MEGF11: variants seen among roughly 807,000 people sequenced by gnomAD.
The protein encoded by MEGF11 is multiple EGF like domains 11.
In MEGF11, 126 loss-of-function variants were observed where a neutral mutation model predicts 146.6. That is an observed-to-expected ratio of 0.86 (90% CI 0.74 to 1.00). MEGF11 has a LOEUF of 1.00. MEGF11 is among the 50% of genes least tolerant of loss of function. MEGF11 has a pLI of 0.00. For missense variants in MEGF11, 1,509 were observed against 1,521.2 expected, an observed-to-expected ratio of 0.99 and a Z score of 0.13; for synonymous variants, 532 against 583.4, an observed-to-expected ratio of 0.91 and a Z score of 1.27.
intron 5 of MEGF11, among the ~76,000 whole-genome samples, chr15:66,008,791 T>C (rs2082608935): frequency 6.8e-6 from 1 of 147,704 alleles, no homozygotes; most frequent in African/African-American, 2.5e-5. Flanking sequence ...GCCCCTGCGC[T>C]CCAGCTTGGA....
intron 4 of MEGF11, among the ~76,000 whole-genome samples, chr15:66,111,133 TC>T (rs1385720572): frequency 1.3e-5 from 2 of 152,212 alleles, no homozygotes; most frequent in African/African-American, 4.8e-5. Flanking sequence ...CAGTTTTCTG[TC>T]CTGTAAAAGG....
At chr15:66,211,367 CA>C (rs377339953) in intron 1 of MEGF11, among the ~76,000 whole-genome samples, 3,966 of 151,860 alleles carry the variant, frequency 0.026, 54 homozygotes, top group Non-Finnish European at 0.039. Flanking sequence ...ACTAAAAATA[CA>C]AAAAAATTAG....
At chr15:66,210,536 C>T (rs1389534871) in intron 1 of MEGF11, among the ~76,000 whole-genome samples, 1 of 152,180 alleles carries the variant, frequency 6.6e-6, no homozygotes, top group Non-Finnish European at 1.5e-5. Context: ...TCCCAACCAC[C>T]CCAGGCCAAG....
Position 65,947,307 on chromosome 15 carries a change from G to A in MEGF11, c.1287+10240C>T, listed in dbSNP as rs140543593. Reference sequence around the variant, plus strand: ...GGGGAGCTGGGGCACTGAAGCTTGAGCGCAGGGCTAGCAGGAGCTTTCTTT... The same window carrying A: ...GGGGAGCTGGGGCACTGAAGCTTGAACGCAGGGCTAGCAGGAGCTTTCTTT... On this transcript the variant is annotated intron_variant, in intron 10 of 25. Coordinates refer to ENST00000395614, the MANE Select transcript of MEGF11 (RefSeq NM_001385028.1). Among the ~76,000 whole-genome samples, 149 of 152,300 alleles carry A rather than the reference G, an allele frequency of 9.8e-4. 1 individual carries two copies. The East Asian group carries it at 0.024, about 25-fold the overall frequency.
intron 1 of MEGF11, among the ~76,000 whole-genome samples, chr15:66,246,819 A>C (rs2092302584): frequency 6.6e-6 from 1 of 151,894 alleles, no homozygotes; most frequent in South Asian, 2.1e-4. Flanking sequence ...CTCAAAACTA[A>C]TAATAATAAT....
intron 1 of MEGF11, among the ~76,000 whole-genome samples, chr15:66,206,004 G>A (rs569310649): frequency 1.1e-3 from 169 of 152,292 alleles, no homozygotes; most frequent in African/African-American, 4.0e-3. Context: ...ATCTGACAAA[G>A]ATTTCAAAGC....
In MEGF11 at chr15:66,123,921, A is replaced by T. The variant is rs780966405; in HGVS notation, c.178T>A (p.Trp60Arg). ...YYTRCTDILN[W>R]FKCTRHRISY... is the part of the protein sequence containing the mutation. ...CACCGGTGCCTGGTGCACTTGAACC[A>T]GTTGAGGATGTCTGTGCATCGTGTG... The change falls in exon 3 of 26, where the codon TGG (tryptophan) becomes AGG (arginine). Residue 60 changes from tryptophan (W) to arginine (R), a missense_variant. Coordinates refer to ENST00000395614, the MANE Select transcript of MEGF11 (RefSeq NM_001385028.1). The T allele has an allele frequency of 6.2e-7, 1 of 1,613,818 alleles. No individual in the cohort carries two copies. Among genetic ancestry groups the T allele is most frequent in the Non-Finnish European group, 8.5e-7 (1 of 1,179,828 alleles).
intron 10 of MEGF11, among the ~76,000 whole-genome samples, chr15:65,955,247 C>T (rs1264875339): frequency 2.0e-5 from 3 of 152,104 alleles, no homozygotes; most frequent in Admixed American, 2.0e-4. Flanking sequence ...CCCAGGGCAC[C>T]TCCATTTTAC....
chr15:66,076,122 T>C (rs1010203007), intron 5 of MEGF11, among the ~76,000 whole-genome samples: 1 of 152,048 alleles, frequency 6.6e-6, no homozygotes, highest in Non-Finnish European at 1.5e-5. Flanking sequence ...AAGAGATAGA[T>C]GGATGAATGG....
intron 4 of MEGF11, among the ~76,000 whole-genome samples, chr15:66,102,895 A>T (rs1389222549): frequency 1.3e-5 from 2 of 152,204 alleles, no homozygotes; most frequent in East Asian, 1.9e-4. Flanking sequence ...GCTGTACTGG[A>T]TAATAAGAGC....
chr15:65,913,684 G>A, intron 20 of MEGF11, 53 bp downstream of exon 20: 1 of 1,467,952 alleles, frequency 6.8e-7, no homozygotes. Flanking sequence ...ACCATTCCTG[G>A]GGTATGTGTG....
At chr15:66,112,236 T>A (rs1323770762) in intron 4 of MEGF11, among the ~76,000 whole-genome samples, 1 of 151,930 alleles carries the variant, frequency 6.6e-6, no homozygotes, top group Non-Finnish European at 1.5e-5. Context: ...AAGAAATATG[T>A]TTAAAATAAT....
chr15:65,989,358 C>A (rs1362061318), intron 5 of MEGF11, among the ~76,000 whole-genome samples: 1 of 152,190 alleles, frequency 6.6e-6, no homozygotes, highest in African/African-American at 2.4e-5. Flanking sequence ...AGGACTGGGC[C>A]AAGGCCCCCA....
chr15:65,914,653 C>T (rs1008693970), intron 19 of MEGF11, among the ~76,000 whole-genome samples: 1 of 152,188 alleles, frequency 6.6e-6, no homozygotes, highest in African/African-American at 2.4e-5. Flanking sequence ...TAGACTTCTC[C>T]TTGACTGTTG....
chr15:65,984,100 A>G (rs1422191848), intron 5 of MEGF11, among the ~76,000 whole-genome samples: 1 of 152,188 alleles, frequency 6.6e-6, no homozygotes, highest in Non-Finnish European at 1.5e-5. Context: ...TCTGTGCCCC[A>G]AGTATTCACA....
intron 3 of MEGF11, among the ~76,000 whole-genome samples, chr15:66,122,531 G>A (rs1329056598): frequency 6.6e-6 from 1 of 152,162 alleles, no homozygotes; most frequent in Non-Finnish European, 1.5e-5. Context: ...GAAAGCAAAG[G>A]AGAAATCTGG....
chr15:66,221,074 T>C (rs992084256), intron 1 of MEGF11, among the ~76,000 whole-genome samples: 3 of 152,132 alleles, frequency 2.0e-5, no homozygotes, highest in African/African-American at 7.2e-5. Context: ...CTCTCTACTA[T>C]TTTTGCAACT....
At chr15:65,978,236 A>G (rs1218836327) in intron 7 of MEGF11, among the ~76,000 whole-genome samples, 1 of 152,214 alleles carries the variant, frequency 6.6e-6, no homozygotes, top group Admixed American at 6.5e-5. Flanking sequence ...AGAAGATGCT[A>G]AAGTGGGAAG....
intron 5 of MEGF11, among the ~76,000 whole-genome samples, chr15:66,026,321 C>T (rs1158914422): frequency 2.0e-5 from 3 of 152,180 alleles, no homozygotes; most frequent in Admixed American, 6.5e-5. Flanking sequence ...GCTGCAGGAC[C>T]GGGGACCACA....
Sources: allele counts gnomAD v4.1 joint callset (sites outside exome capture counted in the v4.1 genomes callset), GRCh38; gene constraint gnomAD v4.1.1; transcripts MANE v1.5; gene names NCBI Gene and HGNC (gene_info 2026-07-23, HGNC 2026-07-21).